Variants in CNTNAP2 observed in about 807,000 individuals in gnomAD.
CNTNAP2 encodes contactin associated protein 2, also known as contactin-associated protein-like 2.
CNTNAP2 carries 98 observed loss-of-function variants against 155.2 expected under a neutral mutation model. The observed-to-expected ratio is 0.63, with a 90% CI of 0.54 to 0.75. The LOEUF (loss-of-function observed/expected upper bound fraction) is 0.75, where lower values mean the gene tolerates loss of function less well. CNTNAP2 is among the 30% of genes least tolerant of loss of function. The pLI is 0.00. For missense variants in CNTNAP2, 1,727 were observed against 1,688.1 expected, an observed-to-expected ratio of 1.02 and a Z score of -0.40; for synonymous variants, 651 against 631.2, an observed-to-expected ratio of 1.03 and a Z score of -0.47.
chr7:148,117,189 A>G (rs1804491660), intron 15 of CNTNAP2, among the ~76,000 whole-genome samples: 1 of 152,138 alleles, frequency 6.6e-6, no homozygotes, highest in Non-Finnish European at 1.5e-5. Context: ...ATGAGTGGGG[A>G]GAGGCAGCTG....
At chr7:147,338,689 T>C (rs1051211416) in intron 9 of CNTNAP2, among the ~76,000 whole-genome samples, 1 of 152,142 alleles carries the variant, frequency 6.6e-6, no homozygotes. Context: ...TTTTCCATAC[T>C]AATTAGCATT....
At chr7:146,805,751 G>GA (rs1325852992) in intron 2 of CNTNAP2, among the ~76,000 whole-genome samples, 3 of 152,030 alleles carry the variant, frequency 2.0e-5, no homozygotes, top group East Asian at 1.9e-4. Context: ...TGCTCCTTCT[G>GA]AAAAAAGGAG....
chr7:148,159,773 A>G (rs12155129), intron 17 of CNTNAP2, among the ~76,000 whole-genome samples: 10,108 of 152,252 alleles, frequency 0.066, 427 homozygotes, highest in Non-Finnish European at 0.099. Context: ...TTATTTACTG[A>G]ATTTCTATCA....
chr7:148,189,618 C>T (rs987236081), intron 18 of CNTNAP2, among the ~76,000 whole-genome samples: 15 of 152,110 alleles, frequency 9.9e-5, no homozygotes, highest in African/African-American at 3.1e-4. Flanking sequence ...TCTCACAAGA[C>T]GACATCCCCT....
At chr7:148,338,457 T>C (rs1380345162) in intron 21 of CNTNAP2, among the ~76,000 whole-genome samples, 1 of 152,052 alleles carries the variant, frequency 6.6e-6, no homozygotes, top group Non-Finnish European at 1.5e-5. Flanking sequence ...TTCTCTCCCA[T>C]GGACAAACTC....
chr7:147,298,428 A>C (rs1259949131), intron 8 of CNTNAP2, among the ~76,000 whole-genome samples: 1 of 152,160 alleles, frequency 6.6e-6, no homozygotes, highest in African/African-American at 2.4e-5. Flanking sequence ...CCATCACAAA[A>C]AAAAAAGAGG....
intron 1 of CNTNAP2, among the ~76,000 whole-genome samples, chr7:146,511,198 A>G (rs2129135317): frequency 6.6e-6 from 1 of 152,292 alleles, no homozygotes; most frequent in Admixed American, 6.5e-5. Context: ...GCACCCAGCC[A>G]GGTTTTTCTT....
chr7:146,563,546 C>G (rs775986083), intron 1 of CNTNAP2, among the ~76,000 whole-genome samples: 1 of 152,116 alleles, frequency 6.6e-6, no homozygotes. Flanking sequence ...TATTTACTAC[C>G]AGTTGCTGGT....
At chr7:146,623,261 A>T (rs1377797725) in intron 1 of CNTNAP2, among the ~76,000 whole-genome samples, 1 of 152,116 alleles carries the variant, frequency 6.6e-6, no homozygotes, top group Non-Finnish European at 1.5e-5. Flanking sequence ...GCCTTCTGAC[A>T]TGTGATCCTG....
chr7:147,329,310 T>A (rs1358202553), intron 9 of CNTNAP2, among the ~76,000 whole-genome samples: 1 of 152,134 alleles, frequency 6.6e-6, no homozygotes, highest in Non-Finnish European at 1.5e-5. Flanking sequence ...TTATAAGTTA[T>A]ACATTCTTAT....
At chr7:148,312,233 C>T (rs1472644137) in intron 21 of CNTNAP2, among the ~76,000 whole-genome samples, 4 of 152,114 alleles carry the variant, frequency 2.6e-5, no homozygotes, top group East Asian at 1.9e-4. Context: ...GAATTCTGAC[C>T]GCACTAACCA....
intron 10 of CNTNAP2, 93 bp downstream of exon 10, chr7:147,395,873 A>G: frequency 2.1e-6 from 3 of 1,447,036 alleles, no homozygotes; most frequent in Non-Finnish European, 2.9e-6. Flanking sequence ...AAAGAAAATT[A>G]AAGTTAAAAA....
At chr7:147,702,059 T>G (rs1796243164) in intron 13 of CNTNAP2, among the ~76,000 whole-genome samples, 1 of 149,434 alleles carries the variant, frequency 6.7e-6, no homozygotes, top group African/African-American at 2.5e-5. Context: ...TGGTTGGTTT[T>G]TTTTTTTTTT....
At chr7:147,700,856 A>C (rs900924167) in intron 13 of CNTNAP2, among the ~76,000 whole-genome samples, 1 of 152,056 alleles carries the variant, frequency 6.6e-6, no homozygotes, top group Non-Finnish European at 1.5e-5. Flanking sequence ...ATTACTCATC[A>C]TTTGGCCCGC....
chr7:148,012,265 G>C (rs1325993733), intron 15 of CNTNAP2, among the ~76,000 whole-genome samples: 1 of 152,108 alleles, frequency 6.6e-6, no homozygotes, highest in South Asian at 2.1e-4. Context: ...GCTCTTTCGA[G>C]TCCCCAGCTA....
intron 15 of CNTNAP2, among the ~76,000 whole-genome samples, chr7:148,082,539 T>A (rs1803632058): frequency 6.6e-6 from 1 of 151,940 alleles, no homozygotes; most frequent in African/African-American, 2.4e-5. Flanking sequence ...AAAGCTGATG[T>A]GGAAGAGAAC....
chr7:146,127,748 G>A (rs1361905589), intron 1 of CNTNAP2, among the ~76,000 whole-genome samples: 12 of 152,106 alleles, frequency 7.9e-5, no homozygotes, highest in Non-Finnish European at 1.5e-5. Context: ...AATAATTATT[G>A]CATCTAACAA....
intron 13 of CNTNAP2, among the ~76,000 whole-genome samples, chr7:147,707,623 TAGGTGGCTTGCCC>T (rs1796335351): frequency 1.3e-5 from 2 of 152,192 alleles, no homozygotes; most frequent in South Asian, 4.1e-4. Context: ...CTTGGGCCTC[TAGGTGGCTTGCCC>T]AGGTGCTGGT....
intron 3 of CNTNAP2, among the ~76,000 whole-genome samples, chr7:147,002,788 AT>A (rs1292818838): frequency 6.6e-6 from 1 of 151,758 alleles, no homozygotes; most frequent in African/African-American, 2.4e-5. Context: ...GGGTCTCTTC[AT>A]TAGGGCGCTA....
Sources: gnomAD v4.1 joint callset for allele counts (sites outside exome capture counted in the v4.1 genomes callset) on GRCh38, gnomAD v4.1.1 for gene constraint, MANE v1.5 for transcripts, NCBI Gene and HGNC (gene_info 2026-07-23, HGNC 2026-07-21) for gene names.